Variants in ZNF529 observed in about 807,000 individuals in gnomAD.
ZNF529 encodes the protein zinc finger protein 529.
In ZNF529, 11 loss-of-function variants were observed where a neutral mutation model predicts 10.1. The observed-to-expected ratio is 1.09, with a 90% CI of 0.69 to 1.81. The LOEUF (loss-of-function observed/expected upper bound fraction) is 1.81, where lower values mean the gene tolerates loss of function less well. Among genes scored for constraint, ZNF529 ranks in the 40% most tolerant of loss-of-function variants. The pLI, the probability that ZNF529 is intolerant of heterozygous loss-of-function variation, is 0.00. For missense variants in ZNF529, 624 were observed against 666.8 expected (o/e 0.94, Z 0.71); for synonymous variants, 204 against 215.7 (o/e 0.95, Z 0.47).
chr19:36,547,472 A>C lies in ZNF529; in HGVS notation c.1086T>G (p.Gly362=). ...QLIEHQRIHT[G]EKPYACKECG... is the part of the protein sequence containing the mutation. ...ATTCCTTACATGCATAAGGTTTCTC[A>C]CCAGTGTGAATTCTCTGATGTTCAA... Residue 362 remains glycine, a synonymous_variant, in exon 5 of 5, where the codon GGT becomes GGG. Coordinates refer to ENST00000591340, the MANE Select transcript of ZNF529 (RefSeq NM_020951.5). 2 of 1,614,024 alleles carry C rather than the reference A, an allele frequency of 1.2e-6. No homozygotes were observed. The highest frequency in any genetic ancestry group is 1.7e-6 in the Non-Finnish European group (2 of 1,179,958).
Position 36,546,798 on chromosome 19 carries a change from C to T in ZNF529, c.*68G>A, listed in dbSNP as rs938764193. Reference sequence around the variant, plus strand: ...GGGAGATACTGAATTGCCTTGATTACCTATTAAATCCATCCACAGTATTTT... The same window carrying T: ...GGGAGATACTGAATTGCCTTGATTATCTATTAAATCCATCCACAGTATTTT... On this transcript the variant is annotated 3_prime_UTR_variant, in exon 5 of 5. Transcript: ENST00000591340. 64 of 1,500,662 alleles carry T rather than the reference C, an allele frequency of 4.3e-5. No homozygotes were observed. The highest frequency in any genetic ancestry group is 5.6e-5 in the African/African-American group (4 of 71,562). The allele number at this position is 1,500,662 out of a possible 1,614,324, so 93.0% of individuals were successfully genotyped here.
In ZNF529 at chr19:36,554,463, A is replaced by G. The variant is rs897419049; in HGVS notation, c.235+207T>C. On this transcript the variant is annotated intron_variant, in intron 4 of 4. Coordinates refer to ENST00000591340, the MANE Select transcript of ZNF529 (RefSeq NM_020951.5). ...CATAGTGGCGGGCTCCTGTAATTCC[A>G]GCTACTCTGGAGGCTGAGGCAGAAG... Among the ~76,000 whole-genome samples the G allele has an allele frequency of 3.9e-5, 6 of 152,262 alleles. No homozygotes were observed. In the East Asian group the frequency reaches 1.2e-3, roughly 29 times the overall value.
intron 2 of ZNF529, 60 bp downstream of exon 2, chr19:36,572,273 G>A (rs1334274646): frequency 5.2e-6 from 8 of 1,540,040 alleles, no homozygotes; most frequent in Non-Finnish European, 7.0e-6. Flanking sequence ...CTACGGTCCT[G>A]TTGTTAATTG....
chr19:36,579,688 C>T (rs932731357), intron 2 of ZNF529, among the ~76,000 whole-genome samples: 20 of 152,202 alleles, frequency 1.3e-4, no homozygotes, highest in African/African-American at 4.3e-4. Flanking sequence ...AAAAATGGCA[C>T]ACCGGTATAA....
chr19:36,599,270 T>C (rs1355029904), intron 1 of ZNF529, among the ~76,000 whole-genome samples: 2 of 152,224 alleles, frequency 1.3e-5, no homozygotes, highest in African/African-American at 2.4e-5. Flanking sequence ...CATACATACA[T>C]ATATAATTCT....
Position 36,568,316 on chromosome 19 carries a change from TA to T in ZNF529, c.14+4016del, listed in dbSNP as rs2035970634. On this transcript the variant is annotated intron_variant, in intron 2 of 4. Coordinates refer to ENST00000591340, the MANE Select transcript of ZNF529 (RefSeq NM_020951.5). The stretch of plus-strand genomic sequence containing the variant: ...TTGTTGATTATGTTACTTGTGCTCT[TA>T]CTCCATCTCTAGTGCAGCATGGAAG... Among the ~76,000 whole-genome samples the T allele has an allele frequency of 3.3e-5, 5 of 152,290 alleles. No homozygotes were observed. The South Asian group carries it at 1.0e-3, about 32-fold the overall frequency.
In ZNF529 at chr19:36,547,725, C is replaced by T; in HGVS notation, c.833G>A (p.Gly278Asp). The T allele has an allele frequency of 2.5e-6, 4 of 1,613,858 alleles. No individual in the cohort carries two copies. Among genetic ancestry groups the T allele is most frequent in the Non-Finnish European group, 3.4e-6 (4 of 1,179,842 alleles). The change falls in exon 5 of 5, where the codon GGT becomes GAT. Residue 278 changes from glycine to aspartate, a missense_variant. Gly to Asp is a moderately conservative substitution (Grantham distance 94). Transcript: ENST00000591340. ...KVTPLQRVHD[G>D]EKHFECSFCG... ...GAATGAGCATTCAAAGTGTTTCTCA[C>T]CATCATGAACTCTTTGAAGTGGAGT...
intron 2 of ZNF529, among the ~76,000 whole-genome samples, chr19:36,587,192 G>A (rs2036598705): frequency 6.6e-6 from 1 of 151,720 alleles, no homozygotes; most frequent in African/African-American, 2.4e-5. Flanking sequence ...TTGAACCCAT[G>A]AGGCGGAGGT....
At chr19:36,558,133 T>C (rs1379224460) in intron 2 of ZNF529, among the ~76,000 whole-genome samples, 3 of 152,070 alleles carry the variant, frequency 2.0e-5, no homozygotes, top group African/African-American at 4.8e-5. Context: ...TGGTATAATC[T>C]GATGAACAGA....
chr19:36,546,851 CT>C lies in ZNF529; in HGVS notation c.*14del. ...TGTGAAAATCAGAAATAAAAAACCACTTTATACATTTATTTCAGTCAAATGA... is the reference window on the plus strand; with the variant it reads ...TGTGAAAATCAGAAATAAAAAACCACTTATACATTTATTTCAGTCAAATGA... On this transcript the variant is annotated 3_prime_UTR_variant, in exon 5 of 5. Transcript: ENST00000591340. The C allele has an allele frequency of 6.3e-7, 1 of 1,591,750 alleles. No homozygotes were observed. Among genetic ancestry groups the C allele is most frequent in the Non-Finnish European group, 8.6e-7 (1 of 1,169,452 alleles).
Position 36,572,405 on chromosome 19 carries a change from GA to G in ZNF529, c.-46-14del. On this transcript the variant is annotated splice_polypyrimidine_tract_variant and intron_variant, in intron 1 of 4. Coordinates refer to ENST00000591340, the MANE Select transcript of ZNF529 (RefSeq NM_020951.5). ...TTCACTTGCAGAACTACATAACCAA[GA>G]GGGAGAAAGGACTCATGACATCCTG... is the stretch of plus-strand genomic sequence containing the variant. 6.5e-7 allele frequency: 1 copy of G among 1,543,782 alleles called. No individual in the cohort carries two copies. Among genetic ancestry groups the G allele is most frequent in the Non-Finnish European group, 8.8e-7 (1 of 1,140,870 alleles).
chr19:36,553,385 C>G (rs918041219), intron 4 of ZNF529, among the ~76,000 whole-genome samples: 8 of 152,074 alleles, frequency 5.3e-5, no homozygotes, highest in Non-Finnish European at 8.8e-5. Context: ...AATCCACCCA[C>G]CACCTCGGCC....
intron 2 of ZNF529, among the ~76,000 whole-genome samples, chr19:36,569,207 G>A (rs1456411352): frequency 6.6e-6 from 1 of 151,672 alleles, no homozygotes; most frequent in African/African-American, 2.4e-5. Context: ...GCAAAAATTA[G>A]GAGAAGTAGC....
At chr19:36,575,927 C>T (rs778876431), upstream of ZNF529, among the ~76,000 whole-genome samples, 2 of 151,986 alleles carry the variant, frequency 1.3e-5, no homozygotes, top group Admixed American at 6.6e-5. Context: ...TGGCTCCCTG[C>T]GACCTCTGCC....
chr19:36,556,138 G>A lies in ZNF529; in HGVS notation c.74C>T (p.Pro25Leu). The change falls in exon 3 of 5, where the codon CCT becomes CTT. Residue 25 changes from proline to leucine, a missense_variant. Transcript: ENST00000591340. ...PHAVMPEVEF[P>L]DQFFTVLTMD... ...GGTTAGAACTGTAAAGAATTGGTCA[G>A]GGAATTCCACTTCTGGCATGACAGC... 1.3e-6 allele frequency: 2 copies of A among 1,546,416 alleles called. No homozygotes were observed. Among genetic ancestry groups the A allele is most frequent in the Non-Finnish European group, 1.8e-6 (2 of 1,142,222 alleles).
At chr19:36,555,979 G>C in intron 3 of ZNF529, 125 bp downstream of exon 3, 1 of 902,988 alleles carries the variant, frequency 1.1e-6, no homozygotes, top group Non-Finnish European at 1.7e-6. Context: ...TGTGCTGTTA[G>C]ACTCCAGCCC....
rs530802385 is a variant in ZNF529, at chr19:36,547,162, T to C, written c.1396A>G (p.Ile466Val). 4.3e-6 allele frequency: 7 copies of C among 1,613,430 alleles called. No individual in the cohort carries two copies. The East Asian group carries it at 1.6e-4, about 36-fold the overall frequency. The part of the protein sequence containing the change: ...GKFFRLTSAL[I>V]QHQRIHSGEK... ...CCACTATGAATTCTTTGATGTTGAA[T>C]AAGGGCTGACGTAAGTCTAAAGAAC... is the stretch of plus-strand genomic sequence containing the variant. The change falls in exon 5 of 5, where the codon ATT becomes GTT. Residue 466 changes from isoleucine to valine, a missense_variant. Physicochemically the swap from Ile to Val is conservative, Grantham distance 29. Coordinates refer to ENST00000591340, the MANE Select transcript of ZNF529 (RefSeq NM_020951.5).
At chr19:36,548,386 ACAATTTAAGAATAATT>A in intron 4 of ZNF529, 64 bp from the exon 5 acceptor site, 20 of 1,412,938 alleles carry the variant, frequency 1.4e-5, no homozygotes, top group Non-Finnish European at 1.9e-5. Flanking sequence ...GAAAGAAGAG[ACAATTTAAGAATAATT>A]CACCATATAC....
At chr19:36,565,054 C>G (rs2035844333) in intron 2 of ZNF529, among the ~76,000 whole-genome samples, 2 of 152,024 alleles carry the variant, frequency 1.3e-5, no homozygotes, top group African/African-American at 4.8e-5. Flanking sequence ...TACAAATAGA[C>G]ATAAATATGG....
Sources: gnomAD v4.1 joint callset for allele counts (sites outside exome capture counted in the v4.1 genomes callset) on GRCh38, gnomAD v4.1.1 for gene constraint, MANE v1.5 for transcripts, NCBI Gene and HGNC (gene_info 2026-07-23, HGNC 2026-07-21) for gene names.